RABL3: variants seen among roughly 807,000 people sequenced by gnomAD.
RABL3 encodes RAB, member of RAS oncogene family like 3, also known as rab-like protein 3.
RABL3 carries 31 observed loss-of-function variants against 31.8 expected under a neutral mutation model. That is an observed-to-expected ratio of 0.97 (90% CI 0.73 to 1.31). The LOEUF is 1.31. Among genes scored for constraint, RABL3 ranks in the 40% most tolerant of loss-of-function variants. The probability of loss-of-function intolerance (pLI) is 0.00; values close to 1 mark genes in which losing one functional copy is unlikely to be tolerated. For synonymous variants in RABL3, 97 were observed against 99.9 expected, an observed-to-expected ratio of 0.97 and a Z score of 0.18; for missense variants, 263 against 279.6, an observed-to-expected ratio of 0.94 and a Z score of 0.42.
At chr3:120,739,145 GAGGC>G (rs948093209) in intron 1 of RABL3, among the ~76,000 whole-genome samples, 5 of 152,228 alleles carry the variant, frequency 3.3e-5, no homozygotes, top group African/African-American at 1.2e-4. Context: ...TTGGGAGGCT[GAGGC>G]AGGCAGATCA....
chr3:120,730,828 G>T, intron 1 of RABL3, 41 bp from the exon 2 acceptor site: 1 of 1,337,872 alleles, frequency 7.5e-7, no homozygotes, highest in Non-Finnish European at 1.1e-6. Context: ...AAGAGACAAG[G>T]CTGAAATCTG....
intron 4 of RABL3, among the ~76,000 whole-genome samples, chr3:120,702,950 C>T (rs554306965): frequency 6.6e-6 from 1 of 152,226 alleles, no homozygotes; most frequent in South Asian, 2.1e-4. Flanking sequence ...ACCACTTGGC[C>T]CTGGACATAG....
At chr3:120,733,249 G>A (rs1432807440) in intron 1 of RABL3, among the ~76,000 whole-genome samples, 2 of 152,156 alleles carry the variant, frequency 1.3e-5, no homozygotes, top group Middle Eastern at 3.4e-3. Flanking sequence ...TTTAATGATC[G>A]CCATTCTAAC....
At position 120,738,315 on chromosome 3, in the gene RABL3, A is replaced by C. The variant is rs530417173; in HGVS notation, c.46+4147T>G. ...ACCCTCTGAGCCAGGTCAGAGATAT[A>C]ATCTCCTGGTGTGCTGTTTGCTAAG... is the stretch of plus-strand genomic sequence containing the variant. On this transcript the variant is annotated intron_variant, in intron 1 of 7. Coordinates refer to ENST00000273375, the MANE Select transcript of RABL3 (RefSeq NM_173825.5). Among the ~76,000 whole-genome samples the C allele has an allele frequency of 9.8e-4, 149 of 152,340 alleles. 1 individual carries two copies. The highest frequency in any genetic ancestry group is 3.5e-3 in the African/African-American group (145 of 41,590).
At position 120,698,431 on chromosome 3, in the gene RABL3, T is replaced by C. The variant is rs767583034; in HGVS notation, c.526A>G (p.Ile176Val). The C allele has an allele frequency of 5.0e-6, 8 of 1,612,356 alleles. No homozygotes were observed. Among genetic ancestry groups the C allele is most frequent in the South Asian group, 1.1e-5 (1 of 90,532 alleles). Residue 176 changes from isoleucine to valine, a missense_variant, in exon 5 of 8, where the codon ATT becomes GTT. By Grantham distance (29) the Ile-to-Val change is conservative. Transcript: ENST00000273375. Reference protein sequence around the residue: ...FLAEDFNPEEINLDCTNPRYL... With the variant: ...FLAEDFNPEEVNLDCTNPRYL... ...TTAGTGAAAATACATACCAAATTAATTTCTTCTGGATTGAAATCCTCAGCC... is the reference window on the plus strand; with the variant it reads ...TTAGTGAAAATACATACCAAATTAACTTCTTCTGGATTGAAATCCTCAGCC...
intron 6 of RABL3, among the ~76,000 whole-genome samples, chr3:120,693,192 A>C (rs1046336937): frequency 3.3e-5 from 5 of 151,870 alleles, no homozygotes; most frequent in African/African-American, 7.3e-5. Context: ...ATCAGTTAAG[A>C]AGTTTTGCAG....
In RABL3 at chr3:120,719,049, T is replaced by C. The variant is rs139971155; in HGVS notation, c.139-9140A>G. Among the ~76,000 whole-genome samples, 682 of 152,260 alleles carry C rather than the reference T, an allele frequency of 4.5e-3. 5 individuals carry two copies. The highest frequency in any genetic ancestry group is 0.015 in the African/African-American group (636 of 41,550). On this transcript the variant is annotated intron_variant, in intron 2 of 7. Transcript: ENST00000273375. ...GATTATAATACTTATTCCTTAGCAA[T>C]TGATGAAAAAAACAGACCAAAAAAA... is the stretch of plus-strand genomic sequence containing the variant.
chr3:120,727,866 T>A (rs1464323161), intron 2 of RABL3, among the ~76,000 whole-genome samples: 1 of 152,204 alleles, frequency 6.6e-6, no homozygotes, highest in Non-Finnish European at 1.5e-5. Context: ...AAGAGGCAAC[T>A]GGTAAAATTG....
chr3:120,686,824 ATAATC>A lies in RABL3; in HGVS notation c.*2994_*2998del, dbSNP rs1708313443. On this transcript the variant is annotated 3_prime_UTR_variant, in exon 8 of 8. Transcript: ENST00000273375. ...AAGTATAATCAGAGGACAAAAGGAC[ATAATC>A]TAATGGTAATAAACTGTGGAGAACT... is the stretch of plus-strand genomic sequence containing the variant. The A allele has an allele frequency of 6.6e-6, 1 of 152,248 alleles. No individual in the cohort carries two copies. Among genetic ancestry groups the A allele is most frequent in the South Asian group, 2.1e-4 (1 of 4,830 alleles). The allele number at this position is 152,248 out of a possible 1,614,324, so 9.4% of individuals were successfully genotyped here.
chr3:120,686,428 T>C lies in RABL3; in HGVS notation c.*3395A>G, dbSNP rs1005517708. ...GATTACAAGGAGCAATTAGGAGCTC[T>C]TCACCTCAGTCTGATGTCCCTGCAC... On this transcript the variant is annotated 3_prime_UTR_variant, in exon 8 of 8. Transcript: ENST00000273375. 2.0e-5 allele frequency among the ~76,000 whole-genome samples: 3 copies of C among 152,186 alleles called. No individual in the cohort carries two copies. Among genetic ancestry groups the C allele is most frequent in the African/African-American group, 7.2e-5 (3 of 41,452 alleles).
At chr3:120,693,258 T>C (rs1238568222) in intron 6 of RABL3, among the ~76,000 whole-genome samples, 2 of 152,158 alleles carry the variant, frequency 1.3e-5, no homozygotes, top group Non-Finnish European at 2.9e-5. Context: ...CTGGAGCTTA[T>C]CTAGTGCTGA....
chr3:120,727,327 A>G (rs1246428905), intron 2 of RABL3, among the ~76,000 whole-genome samples: 2 of 152,192 alleles, frequency 1.3e-5, no homozygotes, highest in African/African-American at 2.4e-5. Flanking sequence ...CAATTATCTT[A>G]TTGAAAAACA....
intron 4 of RABL3, 82 bp from the exon 5 acceptor site, chr3:120,698,655 A>G (rs918165092): frequency 1.4e-5 from 17 of 1,173,738 alleles, no homozygotes; most frequent in East Asian, 7.9e-5. Flanking sequence ...ACTAAGTTAC[A>G]CTATTTTACT....
intron 1 of RABL3, among the ~76,000 whole-genome samples, chr3:120,738,017 T>C (rs1339108721): frequency 2.6e-5 from 4 of 151,928 alleles, no homozygotes; most frequent in African/African-American, 9.7e-5. Context: ...TCAAACTCTG[T>C]GCTGGGAGAA....
Position 120,690,459 on chromosome 3 carries a change from TC to T in RABL3, c.634del (p.Glu212LysfsTer19). 1 of 1,591,832 alleles carries T rather than the reference TC, an allele frequency of 6.3e-7. No individual in the cohort carries two copies. The highest frequency in any genetic ancestry group is 8.6e-7 in the Non-Finnish European group (1 of 1,160,262). On this transcript the variant is annotated frameshift_variant, in exon 7 of 8. Transcript: ENST00000273375. LOFTEE classifies it high-confidence loss of function. Reference protein sequence around the residue: ...KVIEKRYFLREGNQIPGFPDR... With the variant: ...KVIEKRYFLRXGNQIPGFPDR... ...AAAAGAGATACCAACCTGATTACCT[TC>T]TCTTAAAAAGTATCTCTTCTCTATG... is the stretch of plus-strand genomic sequence containing the variant.
rs544420379 is a variant in RABL3 at position 120,685,822 on chromosome 3, G to C, written c.*4001C>G. On this transcript the variant is annotated 3_prime_UTR_variant, in exon 8 of 8. Coordinates refer to ENST00000273375, the MANE Select transcript of RABL3 (RefSeq NM_173825.5). ...TGACTTATCTGCATGAGAAAAATCT[G>C]GCTTGTCTGTTAAAAATACAAAATC... is the stretch of plus-strand genomic sequence containing the variant. 8.5e-5 allele frequency among the ~76,000 whole-genome samples: 13 copies of C among 152,222 alleles called. No individual in the cohort carries two copies. The highest frequency in any genetic ancestry group is 3.1e-4 in the African/African-American group (13 of 41,548).
At chr3:120,730,333 A>G (rs1457368054) in intron 2 of RABL3, among the ~76,000 whole-genome samples, 1 of 152,198 alleles carries the variant, frequency 6.6e-6, no homozygotes, top group Non-Finnish European at 1.5e-5. Flanking sequence ...TTGCCTTTAC[A>G]TTATATTTCT....
At chr3:120,720,851 C>T (rs1045254001) in intron 2 of RABL3, among the ~76,000 whole-genome samples, 1 of 152,220 alleles carries the variant, frequency 6.6e-6, no homozygotes, top group East Asian at 1.9e-4. Flanking sequence ...AAAGAGACTC[C>T]TCGAGAAGAG....
At chr3:120,728,487 A>G (rs2107594070) in intron 2 of RABL3, among the ~76,000 whole-genome samples, 2 of 152,230 alleles carry the variant, frequency 1.3e-5, no homozygotes, top group East Asian at 3.9e-4. Flanking sequence ...CCAAAGGGAA[A>G]ATTTGTCCAG....
Sources: gnomAD v4.1 joint callset for allele counts (sites outside exome capture counted in the v4.1 genomes callset) on GRCh38, gnomAD v4.1.1 for gene constraint, MANE v1.5 for transcripts, NCBI Gene and HGNC (gene_info 2026-07-23, HGNC 2026-07-21) for gene names.